Variants in BRMS1L observed in about 807,000 individuals in gnomAD.
BRMS1L encodes the protein breast cancer metastasis-suppressor 1-like protein.
Under a neutral mutation model 50.3 loss-of-function variants are expected in BRMS1L, and 23 were observed. The observed-to-expected ratio is 0.46, with a 90% CI of 0.33 to 0.65. The LOEUF (loss-of-function observed/expected upper bound fraction) is 0.65. BRMS1L is among the 30% of genes least tolerant of loss of function. The pLI is 0.02. For missense variants in BRMS1L, 286 were observed against 386.1 expected (o/e 0.74, Z 2.17); for synonymous variants, 114 against 126.9 (o/e 0.90, Z 0.69).
intron 8 of BRMS1L, 28 bp downstream of exon 8, chr14:35,865,789 T>C (rs370504238): frequency 6.3e-7 from 1 of 1,593,488 alleles, no homozygotes; most frequent in African/African-American, 1.4e-5. Flanking sequence ...AGTTGGGAAA[T>C]ATTCTCTTTG....
intron 4 of BRMS1L, among the ~76,000 whole-genome samples, chr14:35,835,600 T>C (rs2077981156): frequency 6.6e-6 from 1 of 152,058 alleles, no homozygotes; most frequent in South Asian, 2.1e-4. Context: ...CCCAAGAGTT[T>C]AGGAGGCTGA....
At chr14:35,843,396 A>C (rs1190002901) in intron 4 of BRMS1L, among the ~76,000 whole-genome samples, 1 of 151,988 alleles carries the variant, frequency 6.6e-6, no homozygotes, top group Non-Finnish European at 1.5e-5. Context: ...TGTTGATGCT[A>C]TTCCTTTCTG....
chr14:35,827,548 A>G (rs2077861312), intron 1 of BRMS1L, among the ~76,000 whole-genome samples: 2 of 152,202 alleles, frequency 1.3e-5, no homozygotes, highest in African/African-American at 4.8e-5. Context: ...CCCTCTTTTC[A>G]TGTTTCCCTT....
At chr14:35,851,044 A>G (rs769979541) in intron 4 of BRMS1L, among the ~76,000 whole-genome samples, 6 of 152,186 alleles carry the variant, frequency 3.9e-5, no homozygotes, top group South Asian at 2.1e-4. Flanking sequence ...TGGTCTTGAC[A>G]TTGTTGAAAA....
At chr14:35,839,393 T>C (rs538775521) in intron 4 of BRMS1L, among the ~76,000 whole-genome samples, 1 of 152,228 alleles carries the variant, frequency 6.6e-6, no homozygotes, top group Non-Finnish European at 1.5e-5. Context: ...AGTATTTTTT[T>C]CTAACTCTTT....
chr14:35,831,523 C>T (rs756301168), intron 2 of BRMS1L, 23 bp downstream of exon 2: 1 of 1,540,282 alleles, frequency 6.5e-7, no homozygotes, highest in South Asian at 1.1e-5. Context: ...TTTAGAAGGC[C>T]ATTGTCACTG....
Position 35,826,597 on chromosome 14 carries a change from G to T in BRMS1L, c.81G>T (p.Gly27=), listed in dbSNP as rs762385693. Residue 27 remains glycine (G), a synonymous_variant, in exon 1 of 10, where the codon GGG becomes GGT. Transcript: ENST00000216807. ...EMEVDYAENE[G]SSSEDEDTES... ...AGGTGGACTACGCCGAAAATGAGGG[G>T]AGCAGCTCCGAGGACGAGGACACTG... The T allele has an allele frequency of 4.3e-6, 7 of 1,611,650 alleles. No homozygotes were observed. In the Admixed American group the frequency reaches 8.4e-5, roughly 19 times the overall value.
intron 3 of BRMS1L, 134 bp downstream of exon 3, chr14:35,833,239 A>T: frequency 3.4e-6 from 3 of 874,098 alleles, no homozygotes; most frequent in Non-Finnish European, 4.9e-6. Flanking sequence ...TTTTACTTTT[A>T]GTTAGCCCAC....
intron 9 of BRMS1L, among the ~76,000 whole-genome samples, chr14:35,868,851 A>C (rs1035108139): frequency 5.3e-5 from 8 of 152,196 alleles, no homozygotes; most frequent in Admixed American, 5.2e-4. Flanking sequence ...AGTCCTAGTA[A>C]TATGTCTAGG....
chr14:35,859,686 A>G (rs971064055), intron 4 of BRMS1L, among the ~76,000 whole-genome samples: 2 of 152,034 alleles, frequency 1.3e-5, no homozygotes, highest in African/African-American at 2.4e-5. Flanking sequence ...GTCTCGCTCT[A>G]TTGCCCAGGC....
chr14:35,834,243 T>C (rs2077963252), intron 3 of BRMS1L, among the ~76,000 whole-genome samples: 1 of 152,198 alleles, frequency 6.6e-6, no homozygotes, highest in African/African-American at 2.4e-5. Flanking sequence ...CATATTTGCA[T>C]GGCCATGTTA....
At chr14:35,865,697 CTCT>C in intron 7 of BRMS1L, 22 bp from the exon 8 acceptor site, 1 of 1,455,658 alleles carries the variant, frequency 6.9e-7, no homozygotes, top group Non-Finnish European at 9.4e-7. Flanking sequence ...TTCTTTCTTC[CTCT>C]TTTTTTTTTT....
Position 35,833,059 on chromosome 14 carries a change from G to C in BRMS1L, c.315G>C (p.Pro105=), listed in dbSNP as rs960969539. The change falls in exon 3 of 10, where the codon CCG becomes CCC. Residue 105 remains proline, a synonymous_variant. Coordinates refer to ENST00000216807, the MANE Select transcript of BRMS1L (RefSeq NM_032352.4). ...GAAAAGCACCAGAATACTTGGAACC[G>C]CTGGCAACTTTACAGGAAAATATGC... ...IAGKAPEYLE[P]LATLQENMQI... The C allele has an allele frequency of 2.5e-6, 4 of 1,612,902 alleles. 1 individual carries two copies. In the South Asian group the frequency reaches 3.3e-5, roughly 13 times the overall value.
intron 1 of BRMS1L, 88 bp downstream of exon 1, chr14:35,826,746 G>T (rs2077850069): frequency 2.6e-6 from 4 of 1,542,256 alleles, no homozygotes; most frequent in Admixed American, 4.0e-5. Context: ...CGTCCTGCTG[G>T]GAAAGCGGGG....
At chr14:35,853,767 A>T (rs914136247) in intron 4 of BRMS1L, among the ~76,000 whole-genome samples, 4 of 152,014 alleles carry the variant, frequency 2.6e-5, no homozygotes, top group Admixed American at 1.3e-4. Context: ...TGAGTTTTCC[A>T]TTTGTTCTGA....
intron 4 of BRMS1L, among the ~76,000 whole-genome samples, chr14:35,842,081 C>T (rs922921262): frequency 1.3e-5 from 2 of 149,410 alleles, no homozygotes; most frequent in Non-Finnish European, 2.9e-5. Flanking sequence ...TTTCTTTGCA[C>T]GTGAGATGCG....
At chr14:35,850,381 A>G (rs2078195558) in intron 4 of BRMS1L, among the ~76,000 whole-genome samples, 1 of 150,900 alleles carries the variant, frequency 6.6e-6, no homozygotes, top group Non-Finnish European at 1.5e-5. Context: ...CTAATTTTGT[A>G]TTTTTAGTAG....
intron 4 of BRMS1L, among the ~76,000 whole-genome samples, chr14:35,846,259 T>G (rs901023931): frequency 7.9e-5 from 12 of 151,806 alleles, no homozygotes; most frequent in African/African-American, 2.9e-4. Flanking sequence ...AAACTGGGCA[T>G]GGTGGCACAC....
In BRMS1L at chr14:35,862,573, T is replaced by C. The variant is rs770831624; in HGVS notation, c.442-17T>C. On this transcript the variant is annotated splice_polypyrimidine_tract_variant and intron_variant, in intron 4 of 9. Coordinates refer to ENST00000216807, the MANE Select transcript of BRMS1L (RefSeq NM_032352.4). The stretch of plus-strand genomic sequence containing the variant: ...TTTTTTTCTTTCTACTTAAGTATAA[T>C]CTGTTTTTCTCCCCAGAGCGAAAAG... 1.6e-5 allele frequency: 24 copies of C among 1,543,538 alleles called. No individual in the cohort carries two copies. The highest frequency in any genetic ancestry group is 1.9e-5 in the Non-Finnish European group (22 of 1,143,186).
Sources: allele counts gnomAD v4.1 joint callset (sites outside exome capture counted in the v4.1 genomes callset), GRCh38; gene constraint gnomAD v4.1.1; transcripts MANE v1.5; gene names NCBI Gene and HGNC (gene_info 2026-07-23, HGNC 2026-07-21).